NCBP3: variants seen among roughly 807,000 people sequenced by gnomAD.
NCBP3 encodes nuclear cap-binding protein subunit 3.
In NCBP3, 20 loss-of-function variants were observed where a neutral mutation model predicts 75.7. That is an observed-to-expected ratio of 0.26 (90% CI 0.19 to 0.38). The LOEUF is 0.38. NCBP3 is among the 10% of genes least tolerant of loss of function. NCBP3 has a pLI of 1.00. For synonymous variants in NCBP3, 293 were observed against 290.5 expected (o/e 1.01, Z -0.09); for missense variants, 678 against 796.9 (o/e 0.85, Z 1.80).
chr17:3,818,520 C>T lies in NCBP3; in HGVS notation c.1053G>A (p.Glu351=), dbSNP rs753327150. 1 of 1,611,216 alleles carries T rather than the reference C, an allele frequency of 6.2e-7. No homozygotes were observed. Among genetic ancestry groups the T allele is most frequent in the Non-Finnish European group, 8.5e-7 (1 of 1,179,674 alleles). ...CTTCTTCTTCCTCTTCCTCTTCCTCCTCCTCCTCCTCTTCCTCCTCTTCAA... is the reference window on the plus strand; with the variant it reads ...CTTCTTCTTCCTCTTCCTCTTCCTCTTCCTCCTCCTCTTCCTCCTCTTCAA... The part of the protein sequence containing the change: ...EPIEEEEEEE[E]EEEEEEEEDQ... The change falls in exon 10 of 13, where the codon GAG becomes GAA. Residue 351 remains glutamate (E), a synonymous_variant. Transcript: ENST00000389005. The surrounding 1 kb of genome is among the most constrained non-coding windows in gnomAD (Gnocchi z 4.7).
At position 3,832,807 on chromosome 17, in the gene NCBP3, T is replaced by A. The variant is rs918760855; in HGVS notation, c.356-3439A>T. Among the ~76,000 whole-genome samples the A allele has an allele frequency of 2.6e-5, 4 of 152,108 alleles. No individual in the cohort carries two copies. In the East Asian group the frequency reaches 7.7e-4, roughly 29 times the overall value. On this transcript the variant is annotated intron_variant, in intron 3 of 12. Transcript: ENST00000389005. Reference sequence around the variant, plus strand: ...CAAAAAAAATTTACAAACAAAAAAATGCATTTAATAATTTTAAACACATAA... The same window carrying A: ...CAAAAAAAATTTACAAACAAAAAAAAGCATTTAATAATTTTAAACACATAA...
At chr17:3,840,324 C>A (rs549909087) in intron 2 of NCBP3, 119 bp from the exon 3 acceptor site, 58 of 737,632 alleles carry the variant, frequency 7.9e-5, no homozygotes, top group South Asian at 5.6e-4. Context: ...AGCAACACTA[C>A]ACCTTGAATC....
rs2053434181 is a variant in NCBP3 at position 3,812,433 on chromosome 17, T to C, written c.*611A>G. 1 of 847,436 alleles carries C rather than the reference T, an allele frequency of 1.2e-6. No homozygotes were observed. Among genetic ancestry groups the C allele is most frequent in the South Asian group, 5.4e-5 (1 of 18,648 alleles). 52.5% of individuals were successfully genotyped at this position (847,436 alleles called of 1,614,324 possible). A position where few individuals can be genotyped will look rare whatever the true frequency, so the allele number is the denominator to read the frequency against. ...AAGCTGACAGCACGTAAGAGGCCCA[T>C]GCCATGAGCAATCCCCGAGGGAAGA... is the stretch of plus-strand genomic sequence containing the variant. On this transcript the variant is annotated 3_prime_UTR_variant, in exon 13 of 13. Coordinates refer to ENST00000389005, the MANE Select transcript of NCBP3 (RefSeq NM_001114118.3).
At chr17:3,835,552 C>T (rs1232707355) in intron 3 of NCBP3, among the ~76,000 whole-genome samples, 1 of 152,268 alleles carries the variant, frequency 6.6e-6, no homozygotes, top group East Asian at 1.9e-4. Context: ...TTCACAGTCA[C>T]ACAGTAACTG....
At position 3,826,027 on chromosome 17, in the gene NCBP3, A is replaced by C. The variant is rs557002047; in HGVS notation, c.610+60T>G. On this transcript the variant is annotated intron_variant, in intron 5 of 12. Transcript: ENST00000389005. ...AGATGCTATATAGAGCTCTGCTCAG[A>C]AACAGGACTGTGTAAAGAAGAGGAC... The C allele has an allele frequency of 3.3e-6, 5 of 1,523,664 alleles. No individual in the cohort carries two copies. The South Asian group carries it at 6.3e-5, about 19-fold the overall frequency. The allele number at this position is 1,523,664 out of a possible 1,614,324, so 94.4% of individuals were successfully genotyped here.
intron 10 of NCBP3, among the ~76,000 whole-genome samples, chr17:3,817,666 A>G (rs74654046): frequency 0.041 from 6,271 of 152,256 alleles, 443 homozygotes; most frequent in African/African-American, 0.14. Context: ...CCCTTCTGGA[A>G]AAAAATAAAG....
At chr17:3,835,090 A>C (rs2053950932) in intron 3 of NCBP3, among the ~76,000 whole-genome samples, 2 of 152,236 alleles carry the variant, frequency 1.3e-5, no homozygotes, top group Admixed American at 1.3e-4. Flanking sequence ...GGAGAGCAAG[A>C]AGCTGAGGAG....
rs1277094884 is a variant in NCBP3, at chr17:3,810,618, A to T, written c.*2426T>A. 6.6e-6 allele frequency: 1 copy of T among 152,170 alleles called. No individual in the cohort carries two copies. The highest frequency in any genetic ancestry group is 2.4e-5 in the African/African-American group (1 of 41,426). The allele number at this position is 152,170 out of a possible 1,614,324, so 9.4% of individuals were successfully genotyped here. ...GGCCTCATCATTCAGGACACACTCA[A>T]GATGTTGCAAGATCTGAGTGACTGA... On this transcript the variant is annotated 3_prime_UTR_variant, in exon 13 of 13. Transcript: ENST00000389005.
Position 3,826,181 on chromosome 17 carries a change from T to G in NCBP3, c.516A>C (p.Thr172=). 1 of 1,551,108 alleles carries G rather than the reference T, an allele frequency of 6.4e-7. No homozygotes were observed. Among genetic ancestry groups the G allele is most frequent in the Non-Finnish European group, 8.7e-7 (1 of 1,146,670 alleles). Residue 172 remains threonine (T), a synonymous_variant, in exon 5 of 13, where the codon ACA becomes ACC. Transcript: ENST00000389005. ...NVVWLDEMTA[T]RALINMSSLP... Reference sequence around the variant, plus strand: ...GGGAGCTCATATTGATAAGTGCTCGTGTGGCTGTCATTTCATCCAGCCAAA... The same window carrying G: ...GGGAGCTCATATTGATAAGTGCTCGGGTGGCTGTCATTTCATCCAGCCAAA...
rs1015439634 is a variant in NCBP3, at chr17:3,829,343, T to C, written c.381A>G (p.Thr127=). The C allele has an allele frequency of 1.6e-5, 25 of 1,551,858 alleles. No homozygotes were observed. Among genetic ancestry groups the C allele is most frequent in the Non-Finnish European group, 2.1e-5 (24 of 1,147,028 alleles). ...TCTCATCTACTCCGCAAATATAGAT[T>C]GTCTCCAGTCTCACCTTGGGGATTG... ...KKAIPKVRLE[T]IYICGVDEMS... Residue 127 remains threonine (T), a synonymous_variant, in exon 4 of 13, where the codon ACA becomes ACG. Coordinates refer to ENST00000389005, the MANE Select transcript of NCBP3 (RefSeq NM_001114118.3).
At chr17:3,841,015 TCTCA>T (rs1418051570) in intron 2 of NCBP3, among the ~76,000 whole-genome samples, 1 of 152,158 alleles carries the variant, frequency 6.6e-6, no homozygotes, top group Admixed American at 6.6e-5. Flanking sequence ...TGAGACGGAC[TCTCA>T]CTCTGTCGCC....
rs940484200 is a variant in NCBP3 at position 3,812,946 on chromosome 17, G to A, written c.*98C>T. On this transcript the variant is annotated 3_prime_UTR_variant, in exon 13 of 13. Transcript: ENST00000389005. ...GGAGGGTGACTGTGTGAGCAGGAGC[G>A]AGAGGGCGCCAGCTCCTGCGGGGGA... The A allele has an allele frequency of 1.3e-5, 20 of 1,556,376 alleles. No individual in the cohort carries two copies. The highest frequency in any genetic ancestry group is 2.3e-5 in the East Asian group (1 of 44,288).
intron 3 of NCBP3, among the ~76,000 whole-genome samples, chr17:3,838,828 T>C (rs961531272): frequency 1.3e-5 from 2 of 152,178 alleles, no homozygotes; most frequent in Non-Finnish European, 2.9e-5. Flanking sequence ...AAGAAATATA[T>C]AATGTGCTTA....
intron 4 of NCBP3, among the ~76,000 whole-genome samples, chr17:3,827,254 A>G (rs1404802644): frequency 6.6e-6 from 1 of 152,262 alleles, no homozygotes; most frequent in Non-Finnish European, 1.5e-5. Flanking sequence ...TACTTGGAAC[A>G]GAACACAGGT....
In NCBP3 at chr17:3,802,596, C is replaced by T. The variant is rs1180643036; in HGVS notation, c.*10448G>A. On this transcript the variant is annotated 3_prime_UTR_variant, in exon 13 of 13. Coordinates refer to ENST00000389005, the MANE Select transcript of NCBP3 (RefSeq NM_001114118.3). ...TGTTGAACCTCGTCCCAGGCAGGAT[C>T]GGGGCCTGCGGCCTACAGCCTGTCT... 5 of 152,240 alleles carry T rather than the reference C, an allele frequency of 3.3e-5. No individual in the cohort carries two copies. The highest frequency in any genetic ancestry group is 9.6e-5 in the African/African-American group (4 of 41,452). The allele number at this position is 152,240 out of a possible 1,614,324, so 9.4% of individuals were successfully genotyped here. A position where few individuals can be genotyped will look rare whatever the true frequency, so the allele number is the denominator to read the frequency against.
chr17:3,815,243 G>A lies in NCBP3; in HGVS notation c.1466-760C>T, dbSNP rs112695435. 3.5e-3 allele frequency among the ~76,000 whole-genome samples: 526 copies of A among 152,264 alleles called. 3 individuals are homozygous for A. The highest frequency in any genetic ancestry group is 0.012 in the African/African-American group (498 of 41,556). On this transcript the variant is annotated intron_variant, in intron 11 of 12. Coordinates refer to ENST00000389005, the MANE Select transcript of NCBP3 (RefSeq NM_001114118.3). ...CTCAAGTTGTCTTTCTAAAATAGAT[G>A]TAAGATCAGGTTACTTCTCATGTAA...
intron 8 of NCBP3, 67 bp downstream of exon 8, chr17:3,821,886 C>A: frequency 9.9e-7 from 1 of 1,010,194 alleles, no homozygotes; most frequent in Non-Finnish European, 1.5e-6. Context: ...GACATTTCAC[C>A]ACGGAATACC....
At position 3,812,541 on chromosome 17, in the gene NCBP3, C is replaced by CCA. The variant is rs2053437260; in HGVS notation, c.*501_*502dup. On this transcript the variant is annotated 3_prime_UTR_variant, in exon 13 of 13. Coordinates refer to ENST00000389005, the MANE Select transcript of NCBP3 (RefSeq NM_001114118.3). ...TGAGGTCAGGTCCGTGAGATTCGCCCCACACTAGGGTCCCGGAAGGGTGAG... is the reference window on the plus strand; with the variant it reads ...TGAGGTCAGGTCCGTGAGATTCGCCCCACACACTAGGGTCCCGGAAGGGTGAG... 6 of 1,001,614 alleles carry CCA rather than the reference C, an allele frequency of 6.0e-6. No homozygotes were observed. In the South Asian group the frequency reaches 2.2e-4, roughly 36 times the overall value. The allele number at this position is 1,001,614 out of a possible 1,614,324, so 62.0% of individuals were successfully genotyped here. A position where few individuals can be genotyped will look rare whatever the true frequency, so the allele number is the denominator to read the frequency against.
rs1381933695 is a variant in NCBP3, at chr17:3,812,966, G to A, written c.*78C>T. On this transcript the variant is annotated 3_prime_UTR_variant, in exon 13 of 13. Coordinates refer to ENST00000389005, the MANE Select transcript of NCBP3 (RefSeq NM_001114118.3). ...GGAGCGAGAGGGCGCCAGCTCCTGC[G>A]GGGGAGGTTCCTACTGCGCGCCCCA... The A allele has an allele frequency of 2.0e-5, 32 of 1,581,976 alleles. No individual in the cohort carries two copies. Among genetic ancestry groups the A allele is most frequent in the African/African-American group, 9.5e-5 (7 of 73,666 alleles).
Sources: gnomAD v4.1 joint callset for allele counts (sites outside exome capture counted in the v4.1 genomes callset) on GRCh38, gnomAD v4.1.1 for gene constraint, Gnocchi (gnomAD v3.1) non-coding constraint, MANE v1.5 for transcripts, NCBI Gene and HGNC (gene_info 2026-07-23, HGNC 2026-07-21) for gene names.